The following MTREX variants were observed in gnomAD, a reference collection of about 807,000 sequenced individuals.
MTREX encodes the protein Mtr4 exosome RNA helicase.
In MTREX, 76 loss-of-function variants were observed where a neutral mutation model predicts 135.4. That is an observed-to-expected ratio of 0.56 (90% CI 0.47 to 0.68). The LOEUF (loss-of-function observed/expected upper bound fraction) is 0.68, where lower values mean the gene tolerates loss of function less well. Among genes scored for constraint, MTREX ranks in the 30% least tolerant of loss-of-function variants. MTREX has a pLI of 0.00. For synonymous variants in MTREX, 404 were observed against 401.6 expected (o/e 1.01, Z -0.07); for missense variants, 920 against 1,262.1 (o/e 0.73, Z 4.11).
intron 19 of MTREX, 62 bp downstream of exon 19, chr5:55,388,164 A>G (rs1750509452): frequency 4.1e-6 from 6 of 1,452,872 alleles, no homozygotes; most frequent in Admixed American, 1.9e-5. Flanking sequence ...GTCATCACCA[A>G]AGTTCTCCAA....
rs781446682 is a variant in MTREX at position 55,425,386 on chromosome 5, T to C, written c.*614T>C. ...AATTTAGATCAAGTTAAAAACTACA[T>C]ACAAAGTTGTGATCAACAGCATCCT... On this transcript the variant is annotated 3_prime_UTR_variant, in exon 27 of 27. Coordinates refer to ENST00000230640, the MANE Select transcript of MTREX (RefSeq NM_015360.5). The C allele has an allele frequency of 2.0e-6, 3 of 1,484,102 alleles. No individual in the cohort carries two copies. Among genetic ancestry groups the C allele is most frequent in the Non-Finnish European group, 2.8e-6 (3 of 1,087,474 alleles). 91.9% of individuals were successfully genotyped at this position (1,484,102 alleles called of 1,614,324 possible).
At chr5:55,419,217 A>C (rs1751018403) in intron 25 of MTREX, among the ~76,000 whole-genome samples, 1 of 152,234 alleles carries the variant, frequency 6.6e-6, no homozygotes, top group Non-Finnish European at 1.5e-5. Context: ...CTGTTTTTAC[A>C]GGCAGACAAT....
At chr5:55,384,724 C>T (rs1750450831) in intron 18 of MTREX, among the ~76,000 whole-genome samples, 1 of 152,176 alleles carries the variant, frequency 6.6e-6, no homozygotes, top group African/African-American at 2.4e-5. Flanking sequence ...CTGTCTACCT[C>T]TTACCCCCTA....
At chr5:55,404,290 T>G (rs1487329164) in intron 21 of MTREX, among the ~76,000 whole-genome samples, 1 of 152,232 alleles carries the variant, frequency 6.6e-6, no homozygotes, top group African/African-American at 2.4e-5. Flanking sequence ...ATGCTTGTCA[T>G]AGTCAGAAAA....
chr5:55,321,471 A>G (rs1749289144), intron 1 of MTREX, among the ~76,000 whole-genome samples: 1 of 151,812 alleles, frequency 6.6e-6, no homozygotes, highest in African/African-American at 2.4e-5. Flanking sequence ...TCATTTTCTC[A>G]TTTTATCTTC....
chr5:55,424,836 A>C lies in MTREX; in HGVS notation c.*64A>C. 1 of 1,159,118 alleles carries C rather than the reference A, an allele frequency of 8.6e-7. No individual in the cohort carries two copies. The highest frequency in any genetic ancestry group is 1.3e-6 in the Non-Finnish European group (1 of 771,058). 71.8% of individuals were successfully genotyped at this position (1,159,118 alleles called of 1,614,324 possible). On this transcript the variant is annotated 3_prime_UTR_variant, in exon 27 of 27. Transcript: ENST00000230640. ...ACCTGTTTGATTACAGTTGACTACA[A>C]ATGCCTGCAAGTGTGGATTTGGTTC...
At chr5:55,407,234 TG>T (rs1323953302) in intron 22 of MTREX, among the ~76,000 whole-genome samples, 4 of 152,294 alleles carry the variant, frequency 2.6e-5, no homozygotes, top group African/African-American at 9.6e-5. Flanking sequence ...CAGGAGACTG[TG>T]GTGAACAGGA....
chr5:55,425,153 A>T lies in MTREX; in HGVS notation c.*381A>T, dbSNP rs1751139166. On this transcript the variant is annotated 3_prime_UTR_variant, in exon 27 of 27. Transcript: ENST00000230640. ...AAGATGCATCCTCTTGCCTTGTGGC[A>T]ATCATTTTCCTTTAGAAAACAGGCC... is the stretch of plus-strand genomic sequence containing the variant. The T allele has an allele frequency of 6.3e-7, 1 of 1,576,754 alleles. No homozygotes were observed.
chr5:55,326,849 G>T (rs1749386651), intron 3 of MTREX, among the ~76,000 whole-genome samples: 1 of 151,776 alleles, frequency 6.6e-6, no homozygotes, highest in Admixed American at 6.6e-5. Flanking sequence ...CCCTCCCCTA[G>T]CCCCCCACCT....
chr5:55,380,165 C>A (rs1750372583), intron 18 of MTREX, among the ~76,000 whole-genome samples: 1 of 151,982 alleles, frequency 6.6e-6, no homozygotes, highest in African/African-American at 2.4e-5. Context: ...TGGTCTCGAA[C>A]TCCTGACCTT....
At chr5:55,338,964 T>C (rs1173554680) in intron 5 of MTREX, among the ~76,000 whole-genome samples, 1 of 152,012 alleles carries the variant, frequency 6.6e-6, no homozygotes, top group African/African-American at 2.4e-5. Context: ...CTAATTTTTG[T>C]ATTTTTAGTA....
In MTREX at chr5:55,339,999, C is replaced by CA; in HGVS notation, c.516-10dup. 7.0e-7 allele frequency: 1 copy of CA among 1,431,062 alleles called. No individual in the cohort carries two copies. Among genetic ancestry groups the CA allele is most frequent in the East Asian group, 2.7e-5 (1 of 37,346 alleles). 88.6% of individuals were successfully genotyped at this position (1,431,062 alleles called of 1,614,324 possible). A position where few individuals can be genotyped will look rare whatever the true frequency, so the allele number is the denominator to read the frequency against. ...GAAAAGTTGTATGATTATTTGTTTT[C>CA]ACATTTGTAGGTATGCCATTGCATT... On this transcript the variant is annotated splice_polypyrimidine_tract_variant and intron_variant, in intron 5 of 26. Coordinates refer to ENST00000230640, the MANE Select transcript of MTREX (RefSeq NM_015360.5).
Position 55,425,518 on chromosome 5 carries a change from C to G in MTREX, c.*746C>G. 1.8e-6 allele frequency: 1 copy of G among 546,484 alleles called. No homozygotes were observed. The highest frequency in any genetic ancestry group is 3.7e-5 in the South Asian group (1 of 27,112). 33.9% of individuals were successfully genotyped at this position (546,484 alleles called of 1,614,324 possible). A position where few individuals can be genotyped will look rare whatever the true frequency, so the allele number is the denominator to read the frequency against. On this transcript the variant is annotated 3_prime_UTR_variant, in exon 27 of 27. Coordinates refer to ENST00000230640, the MANE Select transcript of MTREX (RefSeq NM_015360.5). The stretch of plus-strand genomic sequence containing the variant: ...AAAGATTATTCCAAATTAAGAGTTG[C>G]TTTGTTATGCCTTCAGCAAATAGCT...
intron 3 of MTREX, 94 bp from the exon 4 acceptor site, chr5:55,327,622 T>C: frequency 9.3e-6 from 9 of 963,466 alleles, no homozygotes; most frequent in Non-Finnish European, 1.5e-5. Context: ...TTCATCAGTT[T>C]TATTTTCCAA....
In MTREX at chr5:55,425,058, TAC is replaced by T. The variant is rs1751135426; in HGVS notation, c.*292_*293del. ...AACCACTGAGTTAAAGGTAACTATG[TAC>T]ACACAAAGTGTGCATCCAAGAGGCA... is the stretch of plus-strand genomic sequence containing the variant. On this transcript the variant is annotated 3_prime_UTR_variant, in exon 27 of 27. Transcript: ENST00000230640. 1 of 1,087,704 alleles carries T rather than the reference TAC, an allele frequency of 9.2e-7. No homozygotes were observed. Among genetic ancestry groups the T allele is most frequent in the African/African-American group, 1.6e-5 (1 of 63,492 alleles). The allele number at this position is 1,087,704 out of a possible 1,614,324, so 67.4% of individuals were successfully genotyped here.
intron 25 of MTREX, among the ~76,000 whole-genome samples, chr5:55,420,722 A>T (rs887023763): frequency 2.0e-5 from 3 of 152,206 alleles, no homozygotes; most frequent in African/African-American, 7.2e-5. Context: ...GAAGACATGT[A>T]ACTGCTTAAT....
intron 15 of MTREX, among the ~76,000 whole-genome samples, chr5:55,361,155 C>T (rs572900315): frequency 6.6e-6 from 1 of 152,280 alleles, no homozygotes; most frequent in East Asian, 1.9e-4. Context: ...ATAGTCATGT[C>T]AGGTATATTT....
In MTREX at chr5:55,327,734, G is replaced by T; in HGVS notation, c.358G>T (p.Glu120Ter). 1 of 1,613,342 alleles carries T rather than the reference G, an allele frequency of 6.2e-7. No homozygotes were observed. Among genetic ancestry groups the T allele is most frequent in the Non-Finnish European group, 8.5e-7 (1 of 1,179,570 alleles). ...TTGTCAGGTTGCACTTCCTGCAGAA[G>T]AGGATTATTTACCACTTAAACCACG... The part of the protein sequence containing the change: ...CTHEVALPAE[E>*]DYLPLKPRVG... The change falls in exon 4 of 27, where the codon GAG becomes TAG. Residue 120 changes from glutamate (E) to a stop codon, truncating the protein, a stop_gained. Coordinates refer to ENST00000230640, the MANE Select transcript of MTREX (RefSeq NM_015360.5). LOFTEE classifies it high-confidence loss of function.
Position 55,402,854 on chromosome 5 carries a change from G to GTA in MTREX, c.2481+2434_2481+2435insAT, listed in dbSNP as rs1428544502. On this transcript the variant is annotated intron_variant, in intron 21 of 26. Transcript: ENST00000230640. Reference sequence around the variant, plus strand: ...TGTGTGTGTGTGTATGTGTATGTATGTGTGTGTGTGTGTGTGTGTATATAT... The same window carrying GTA: ...TGTGTGTGTGTGTATGTGTATGTATGTATGTGTGTGTGTGTGTGTGTATATAT... 4.0e-3 allele frequency among the ~76,000 whole-genome samples: 220 copies of GTA among 55,082 alleles called. 1 individual carries two copies. Among genetic ancestry groups the GTA allele is most frequent in the African/African-American group, 9.2e-3 (182 of 19,878 alleles). 36.1% of individuals were successfully genotyped at this position (55,082 alleles called of 152,430 possible). A position where few individuals can be genotyped will look rare whatever the true frequency, so the allele number is the denominator to read the frequency against.
Sources: allele counts gnomAD v4.1 joint callset (sites outside exome capture counted in the v4.1 genomes callset), GRCh38; gene constraint gnomAD v4.1.1; transcripts MANE v1.5; gene names NCBI Gene and HGNC (gene_info 2026-07-23, HGNC 2026-07-21).